Variants in MALRD1 observed in about 807,000 individuals in gnomAD.
MALRD1 encodes MAM and LDL-receptor class A domain-containing protein 1.
A neutral mutation model predicts 242.1 loss-of-function variants in MALRD1; 247 were observed. That is an observed-to-expected ratio of 1.02 (90% CI 0.92 to 1.13). The LOEUF (loss-of-function observed/expected upper bound fraction) is 1.13, where lower values mean the gene tolerates loss of function less well. MALRD1 is among the 50% of genes most tolerant of loss of function. MALRD1 has a pLI of 0.00. For synonymous variants in MALRD1, 995 were observed against 866.6 expected (o/e 1.15, Z -2.60); for missense variants, 2,989 against 2,533.1 (o/e 1.18, Z -3.86).
intron 33 of MALRD1, among the ~76,000 whole-genome samples, chr10:19,588,097 G>GA (rs1273985536): frequency 6.6e-6 from 1 of 151,936 alleles, no homozygotes; most frequent in African/African-American, 2.4e-5. Context: ...CATATGAAAT[G>GA]AATGACAGAG....
intron 28 of MALRD1, among the ~76,000 whole-genome samples, chr10:19,433,346 T>G (rs549583936): frequency 5.9e-5 from 9 of 151,944 alleles, no homozygotes; most frequent in Non-Finnish European, 8.8e-5. Flanking sequence ...CCTGTAAATG[T>G]CCTGAGATGG....
rs1836947746 is a variant in MALRD1 at position 19,118,410 on chromosome 10, A to T, written c.695-5082A>T. 2.6e-5 allele frequency among the ~76,000 whole-genome samples: 4 copies of T among 152,174 alleles called. 1 individual carries two copies. In the South Asian group the frequency reaches 8.3e-4, roughly 32 times the overall value. On this transcript the variant is annotated intron_variant, in intron 5 of 39. Transcript: ENST00000454679. ...ATGAATGCAAGATGTACATTGGTTG[A>T]GTTTAGAAAGGCAGAACAACTGGAA...
chr10:19,136,233 A>T (rs1293619150), intron 9 of MALRD1, among the ~76,000 whole-genome samples: 1 of 152,206 alleles, frequency 6.6e-6, no homozygotes, highest in African/African-American at 2.4e-5. Context: ...TGACCAAGTA[A>T]CAAGTTTGCA....
At chr10:19,711,270 A>G (rs1834100429) in intron 38 of MALRD1, 1 of 152,196 alleles carries the variant, frequency 6.6e-6, no homozygotes, top group Non-Finnish European at 1.5e-5. Context: ...AAGTTCTTCA[A>G]AGACCAGTTG....
At chr10:19,158,814 T>C (rs1189621852) in intron 12 of MALRD1, among the ~76,000 whole-genome samples, 3 of 152,114 alleles carry the variant, frequency 2.0e-5, no homozygotes, top group Non-Finnish European at 2.9e-5. Flanking sequence ...ATAATAACAC[T>C]CTACAAATCT....
At chr10:19,168,063 A>G (rs1425510926) in intron 13 of MALRD1, among the ~76,000 whole-genome samples, 1 of 152,200 alleles carries the variant, frequency 6.6e-6, no homozygotes, top group Admixed American at 6.5e-5. Flanking sequence ...AATAAATGTT[A>G]GTGTTCTCTG....
chr10:19,723,258 A>T (rs1834854730), intron 38 of MALRD1, among the ~76,000 whole-genome samples: 1 of 152,320 alleles, frequency 6.6e-6, no homozygotes, highest in East Asian at 1.9e-4. Flanking sequence ...TTTATCCATT[A>T]ACATCATTTG....
intron 28 of MALRD1, among the ~76,000 whole-genome samples, chr10:19,393,441 A>AT (rs1252066167): frequency 7.5e-5 from 8 of 106,966 alleles, no homozygotes; most frequent in African/African-American, 3.2e-4. Context: ...TGATGAGGTT[A>AT]ATTTTTTTTT....
intron 17 of MALRD1, among the ~76,000 whole-genome samples, chr10:19,205,927 G>C (rs1402702630): frequency 6.8e-6 from 1 of 146,428 alleles, no homozygotes; most frequent in Admixed American, 6.8e-5. Context: ...TTTTTTTTGA[G>C]TTACAAAACC....
At chr10:19,638,328 G>T (rs1840238518) in intron 36 of MALRD1, among the ~76,000 whole-genome samples, 1 of 152,042 alleles carries the variant, frequency 6.6e-6, no homozygotes, top group African/African-American at 2.4e-5. Flanking sequence ...ACAAAAGGAG[G>T]TGGGGATGAA....
intron 28 of MALRD1, among the ~76,000 whole-genome samples, chr10:19,418,649 ACAT>A (rs1333978373): frequency 6.6e-6 from 1 of 152,198 alleles, no homozygotes; most frequent in East Asian, 1.9e-4. Flanking sequence ...CAAAATTAAG[ACAT>A]CATATTTTAA....
chr10:19,631,828 G>A (rs7905660), intron 36 of MALRD1, among the ~76,000 whole-genome samples: 21,899 of 152,054 alleles, frequency 0.14, 2,698 homozygotes, highest in African/African-American at 0.33. Flanking sequence ...CCACTTCTTA[G>A]TGGGGTTGCT....
intron 31 of MALRD1, among the ~76,000 whole-genome samples, chr10:19,521,245 T>C (rs3864833): frequency 0.25 from 37,756 of 152,008 alleles, 7,488 homozygotes; most frequent in African/African-American, 0.56. Flanking sequence ...CTCTATTTCC[T>C]GGTAAAATAA....
intron 33 of MALRD1, among the ~76,000 whole-genome samples, chr10:19,586,536 T>G (rs964287794): frequency 6.6e-6 from 1 of 152,144 alleles, no homozygotes; most frequent in Non-Finnish European, 1.5e-5. Context: ...GTTAGGCTGC[T>G]CAGGGGTCAG....
chr10:19,298,274 G>A (rs1021037629), intron 21 of MALRD1, among the ~76,000 whole-genome samples: 1 of 151,976 alleles, frequency 6.6e-6, no homozygotes, highest in African/African-American at 2.4e-5. Context: ...CCTGAGAGTG[G>A]GAACTCACTA....
At chr10:19,148,593 G>A (rs1833807350) in intron 11 of MALRD1, among the ~76,000 whole-genome samples, 1 of 151,304 alleles carries the variant, frequency 6.6e-6, no homozygotes, top group Non-Finnish European at 1.5e-5. Flanking sequence ...ACATAACTAT[G>A]ATTTGCATTA....
At chr10:19,647,766 CTT>C (rs1350239488) in intron 36 of MALRD1, among the ~76,000 whole-genome samples, 1 of 152,248 alleles carries the variant, frequency 6.6e-6, no homozygotes, top group African/African-American at 2.4e-5. Flanking sequence ...AATATTAGAA[CTT>C]TTGTTTCCAG....
chr10:19,113,792 TACACACACACACACAC>T (rs753384799), intron 5 of MALRD1, among the ~76,000 whole-genome samples: 4 of 134,554 alleles, frequency 3.0e-5, no homozygotes, highest in East Asian at 2.3e-4. Context: ...TACCACCCCC[TACACACACACACACAC>T]ACACACACAC....
chr10:19,185,014 A>T (rs1835675582), intron 14 of MALRD1, among the ~76,000 whole-genome samples: 1 of 152,228 alleles, frequency 6.6e-6, no homozygotes, highest in South Asian at 2.1e-4. Flanking sequence ...TACTATTTAT[A>T]AGTTCCTATT....
Sources: gnomAD v4.1 joint callset for allele counts (sites outside exome capture counted in the v4.1 genomes callset) on GRCh38, gnomAD v4.1.1 for gene constraint, MANE v1.5 for transcripts, NCBI Gene and HGNC (gene_info 2026-07-23, HGNC 2026-07-21) for gene names.